HOXA3: variants seen among roughly 807,000 people sequenced by gnomAD.
The protein encoded by HOXA3 is homeobox A3, also known as homeobox protein Hox-A3.
In HOXA3, 8 loss-of-function variants were observed where a neutral mutation model predicts 30.3. That is an observed-to-expected ratio of 0.26 (90% CI 0.15 to 0.48). The LOEUF (loss-of-function observed/expected upper bound fraction) is 0.48, where lower values mean the gene tolerates loss of function less well. HOXA3 is among the 20% of genes least tolerant of loss of function. The probability of loss-of-function intolerance (pLI) is 0.99; values close to 1 mark genes in which losing one functional copy is unlikely to be tolerated. For synonymous variants in HOXA3, 323 were observed against 273.1 expected, an observed-to-expected ratio of 1.18 and a Z score of -1.80; for missense variants, 653 against 614.4, an observed-to-expected ratio of 1.06 and a Z score of -0.66.
Position 27,108,011 on chromosome 7 carries a change from C to T in HOXA3, c.1236G>A (p.Pro412=), listed in dbSNP as rs934961266. The change falls in exon 6 of 6, where the codon CCG becomes CCA. Residue 412 remains proline, a synonymous_variant. Transcript: ENST00000612286. The surrounding 1 kb of genome is among the most constrained non-coding windows in gnomAD (Gnocchi z 5.0). ...AGGTGGGGTGCGGCTCCCCAGGCCC[C>T]GGCCCGTGGTGGTGGCCGCTGCCCA... ...GPLGSGHHHG[P]GPGEPHPTYT... 3 of 1,612,428 alleles carry T rather than the reference C, an allele frequency of 1.9e-6. No homozygotes were observed. Among genetic ancestry groups the T allele is most frequent in the Admixed American group, 1.7e-5 (1 of 59,932 alleles).
rs974919397 is a variant in HOXA3 at position 27,110,677 on chromosome 7, G to A, written c.-37C>T. On this transcript the variant is annotated 5_prime_UTR_variant, in exon 5 of 6. Coordinates refer to ENST00000612286, the MANE Select transcript of HOXA3 (RefSeq NM_153631.3). ...ACGATCTTGATCGCACACTCTGACAGGGGTTTGACACCCGTGAGGGCGCAC... is the reference window on the plus strand; with the variant it reads ...ACGATCTTGATCGCACACTCTGACAAGGGTTTGACACCCGTGAGGGCGCAC... The A allele has an allele frequency of 1.3e-6, 2 of 1,590,530 alleles. No homozygotes were observed. The highest frequency in any genetic ancestry group is 1.7e-6 in the Non-Finnish European group (2 of 1,161,432).
In HOXA3 at chr7:27,152,320, C is replaced by T. The variant is rs540620897; in HGVS notation, c.-526G>A. 9.9e-5 allele frequency: 126 copies of T among 1,270,166 alleles called. 2 individuals carry two copies. The South Asian group carries it at 1.4e-3, about 14-fold the overall frequency. 78.7% of individuals were successfully genotyped at this position (1,270,166 alleles called of 1,614,324 possible). On this transcript the variant is annotated 5_prime_UTR_variant, in exon 1 of 6. Transcript: ENST00000612286. ...CGGTGGCTCCCAGAAGCTCCTGCCC[C>T]TCTGACAGCTGTCGCTTGGGCAGCC...
intron 2 of HOXA3, among the ~76,000 whole-genome samples, chr7:27,137,453 T>C (rs1331026045): frequency 2.0e-5 from 3 of 152,208 alleles, no homozygotes; most frequent in Non-Finnish European, 4.4e-5. Flanking sequence ...TGCCACCGGC[T>C]GAGGCTGGAT....
chr7:27,148,248 C>A lies in HOXA3; in HGVS notation c.-494+4040G>T, dbSNP rs936991041. 2.0e-5 allele frequency among the ~76,000 whole-genome samples: 3 copies of A among 152,274 alleles called. No individual in the cohort carries two copies. The South Asian group carries it at 6.2e-4, about 31-fold the overall frequency. On this transcript the variant is annotated intron_variant, in intron 1 of 5. Coordinates refer to ENST00000612286, the MANE Select transcript of HOXA3 (RefSeq NM_153631.3). ...CCAGGAGGGGCAGTGACAAAGGTGG[C>A]TTTGCTCCCTGCCGGCCTGCACTCC...
At chr7:27,130,137 C>T in intron 2 of HOXA3, 1 of 1,603,632 alleles carries the variant, frequency 6.2e-7, no homozygotes, top group Non-Finnish European at 8.5e-7. Context: ...CATGGATCTT[C>T]TTCATCCAGG....
chr7:27,110,653 C>T lies in HOXA3; in HGVS notation c.-13G>A. On this transcript the variant is annotated 5_prime_UTR_variant, in exon 5 of 6. It adds an upstream start codon to the 5' untranslated region. Transcript: ENST00000612286. ...TCGCTTTTTGCATCGCGTTGTTTCA[C>T]GATCTTGATCGCACACTCTGACAGG... The T allele has an allele frequency of 6.3e-7, 1 of 1,598,424 alleles. No individual in the cohort carries two copies. The highest frequency in any genetic ancestry group is 8.6e-7 in the Non-Finnish European group (1 of 1,167,738).
At chr7:27,147,597 C>T in intron 1 of HOXA3, 1 of 1,614,192 alleles carries the variant, frequency 6.2e-7, no homozygotes. Flanking sequence ...GTGAGGTGTA[C>T]GTCTTGTCCG....
At chr7:27,143,410 G>C in intron 1 of HOXA3, 2 of 1,611,054 alleles carry the variant, frequency 1.2e-6, no homozygotes, top group Non-Finnish European at 1.7e-6. Flanking sequence ...CGCGCTCTCC[G>C]GAGCCAAAGT....
intron 1 of HOXA3, among the ~76,000 whole-genome samples, chr7:27,144,867 C>T (rs535825381): frequency 6.6e-6 from 1 of 152,250 alleles, no homozygotes; most frequent in Non-Finnish European, 1.5e-5. Flanking sequence ...ACTCTGGCGG[C>T]TCCCATGGCC....
chr7:27,143,239 G>C, intron 1 of HOXA3: 1 of 1,609,650 alleles, frequency 6.2e-7, no homozygotes. Context: ...CGCTGGAGTT[G>C]CTTAGGGAGT....
At chr7:27,130,616 G>T (rs751626752) in intron 2 of HOXA3, 5 of 1,553,888 alleles carry the variant, frequency 3.2e-6, no homozygotes, top group Non-Finnish European at 4.4e-6. Context: ...TGGTAGCCGG[G>T]GCCCCCGCCC....
chr7:27,118,410 T>C (rs1050568897), intron 4 of HOXA3, among the ~76,000 whole-genome samples: 2 of 152,230 alleles, frequency 1.3e-5, no homozygotes, highest in Non-Finnish European at 1.5e-5. Context: ...GCTCACGTGG[T>C]CATACGTCAA....
At chr7:27,114,212 C>A (rs887818851) in intron 4 of HOXA3, among the ~76,000 whole-genome samples, 21 of 152,024 alleles carry the variant, frequency 1.4e-4, no homozygotes, top group Non-Finnish European at 2.9e-4. Flanking sequence ...CCTCCCTCTC[C>A]TGCTCCCAGG....
At chr7:27,126,482 C>T (rs997040595) in intron 3 of HOXA3, among the ~76,000 whole-genome samples, 1 of 151,924 alleles carries the variant, frequency 6.6e-6, no homozygotes, top group Non-Finnish European at 1.5e-5. Flanking sequence ...AATTTGTCCT[C>T]TCGGTGAACT....
At chr7:27,130,884 C>T (rs1785530393) in intron 2 of HOXA3, 2 of 754,656 alleles carry the variant, frequency 2.7e-6, no homozygotes, top group African/African-American at 3.5e-5. Flanking sequence ...TCCTCCCCCT[C>T]CCGCAGACGC....
chr7:27,146,518 C>A (rs954472345), intron 1 of HOXA3, among the ~76,000 whole-genome samples: 11 of 152,298 alleles, frequency 7.2e-5, no homozygotes, highest in Non-Finnish European at 2.9e-5. Context: ...TAACAATCCG[C>A]ATTAGGCTCT....
intron 3 of HOXA3, chr7:27,124,648 G>T (rs1162285056): frequency 6.6e-6 from 1 of 152,170 alleles, no homozygotes; most frequent in Non-Finnish European, 1.5e-5. Context: ...TTCATTCCTA[G>T]TGAGGCCCTG....
rs903770534 is a variant in HOXA3, at chr7:27,108,839, C to G, written c.527-119G>C. 22 of 711,608 alleles carry G rather than the reference C, an allele frequency of 3.1e-5. No homozygotes were observed. In the Admixed American group the frequency reaches 4.7e-4, roughly 15 times the overall value. The allele number at this position is 711,608 out of a possible 1,614,324, so 44.1% of individuals were successfully genotyped here. A position where few individuals can be genotyped will look rare whatever the true frequency, so the allele number is the denominator to read the frequency against. The stretch of plus-strand genomic sequence containing the variant: ...AAAGGTTCCTGCATCCGTCAGGTCC[C>G]AGAGAGAAGTAGGAACTAGGTGCTA... On this transcript the variant is annotated intron_variant, in intron 5 of 5. Transcript: ENST00000612286. The surrounding 1 kb of genome is among the most constrained non-coding windows in gnomAD (Gnocchi z 5.0).
At chr7:27,115,823 C>G (rs565798390) in intron 4 of HOXA3, 1 of 152,528 alleles carries the variant, frequency 6.6e-6, no homozygotes, top group South Asian at 2.1e-4. Context: ...AAGTGGGGCT[C>G]CGACCTCAAG....
Sources: gnomAD v4.1 joint callset for allele counts (sites outside exome capture counted in the v4.1 genomes callset) on GRCh38, gnomAD v4.1.1 for gene constraint, Gnocchi (gnomAD v3.1) non-coding constraint, MANE v1.5 for transcripts, NCBI Gene and HGNC (gene_info 2026-07-23, HGNC 2026-07-21) for gene names.